Variants in ATP6V0A4 observed in about 807,000 individuals in gnomAD.
ATP6V0A4 encodes the protein V-type proton ATPase 116 kDa subunit a 4.
A neutral mutation model predicts 107.3 loss-of-function variants in ATP6V0A4; 86 were observed. The observed-to-expected ratio is 0.80, with a 90% confidence interval of 0.67 to 0.96. The LOEUF (loss-of-function observed/expected upper bound fraction) is 0.96. Ranked by LOEUF, ATP6V0A4 falls within the 40% of genes least tolerant of loss-of-function variation. ATP6V0A4 has a pLI of 0.00. For missense variants in ATP6V0A4, 908 were observed against 1,045.6 expected, an observed-to-expected ratio of 0.87 and a Z score of 1.81; for synonymous variants, 353 against 381.4, an observed-to-expected ratio of 0.93 and a Z score of 0.87.
intron 5 of ATP6V0A4, among the ~76,000 whole-genome samples, chr7:138,763,505 G>A (rs1806932668): frequency 6.6e-6 from 1 of 152,068 alleles, no homozygotes; most frequent in African/African-American, 2.4e-5. Flanking sequence ...GCACACACCT[G>A]TAATCCCAGC....
intron 2 of ATP6V0A4, among the ~76,000 whole-genome samples, chr7:138,781,836 TCTCTCTC>T: frequency 1.5e-5 from 1 of 64,662 alleles, no homozygotes; most frequent in Non-Finnish European, 2.9e-5. Context: ...TCTCTGTCTC[TCTCTCTC>T]TTTTTTTTTT....
chr7:138,762,796 A>T, intron 6 of ATP6V0A4, 104 bp downstream of exon 6: 1 of 1,348,670 alleles, frequency 7.4e-7, no homozygotes, highest in Non-Finnish European at 1.1e-6. Context: ...GCCATGGAAC[A>T]GAAACAGAGT....
At chr7:138,736,005 C>A (rs956668001) in intron 15 of ATP6V0A4, among the ~76,000 whole-genome samples, 8 of 145,524 alleles carry the variant, frequency 5.5e-5, no homozygotes, top group Non-Finnish European at 1.2e-4. Context: ...GAGGTGGAGG[C>A]TGTGGCGAGC....
At chr7:138,711,232 C>G (rs960443913) in intron 20 of ATP6V0A4, among the ~76,000 whole-genome samples, 1 of 152,062 alleles carries the variant, frequency 6.6e-6, no homozygotes, top group Non-Finnish European at 1.5e-5. Flanking sequence ...GAGTGAAATC[C>G]AAGAGGAGGG....
intron 19 of ATP6V0A4, among the ~76,000 whole-genome samples, chr7:138,718,413 GGGGGC>G (rs1804221382): frequency 7.8e-6 from 1 of 128,620 alleles, no homozygotes; most frequent in African/African-American, 3.0e-5. Flanking sequence ...GGAAGGAAGG[GGGGGC>G]GTGCAGTCAC....
At chr7:138,755,533 A>C (rs1209278157) in intron 10 of ATP6V0A4, among the ~76,000 whole-genome samples, 156 bp downstream of exon 10, 4 of 152,176 alleles carry the variant, frequency 2.6e-5, no homozygotes, top group African/African-American at 4.8e-5. Context: ...ACAGTTTCCC[A>C]ATTGTGAAAT....
At chr7:138,747,303 CTT>C (rs1224212346) in intron 13 of ATP6V0A4, 120 bp downstream of exon 13, 1 of 1,303,866 alleles carries the variant, frequency 7.7e-7, no homozygotes, top group East Asian at 2.4e-5. Flanking sequence ...TAATTTGGCT[CTT>C]TTTTACTTTC....
intron 5 of ATP6V0A4, among the ~76,000 whole-genome samples, chr7:138,763,979 T>A (rs34168004): frequency 0.3 from 43,164 of 141,540 alleles, 6,621 homozygotes; most frequent in South Asian, 0.44. Flanking sequence ...AAAAAAAATA[T>A]ATATATATAT....
In ATP6V0A4 at chr7:138,706,650, T is replaced by G. The variant is rs1395271788; in HGVS notation, c.2497A>C (p.Ile833Leu). 3.1e-6 allele frequency: 5 copies of G among 1,613,950 alleles called. No individual in the cohort carries two copies. In the East Asian group the frequency reaches 1.1e-4, roughly 36 times the overall value. The part of the protein sequence containing the change: ...YKFSPFSFKH[I>L]LDGTAEE ...TACTCCTCGGCTGTGCCATCCAGGA[T>G]GTGTTTAAAGGAGAATGGAGAAAAC... The change falls in exon 22 of 22, where the codon ATC becomes CTC. Residue 833 changes from isoleucine to leucine, a missense_variant. Ile to Leu is a conservative substitution (Grantham distance 5, BLOSUM62 2). Coordinates refer to ENST00000310018, the MANE Select transcript of ATP6V0A4 (RefSeq NM_020632.3).
chr7:138,790,103 A>G (rs143730441), intron 1 of ATP6V0A4, among the ~76,000 whole-genome samples: 2 of 152,136 alleles, frequency 1.3e-5, no homozygotes, highest in Non-Finnish European at 2.9e-5. Flanking sequence ...AAAACTGTAC[A>G]TCCTAGATAT....
intron 20 of ATP6V0A4, among the ~76,000 whole-genome samples, chr7:138,712,828 C>G (rs1052984691): frequency 6.6e-6 from 1 of 152,086 alleles, no homozygotes; most frequent in Non-Finnish European, 1.5e-5. Flanking sequence ...CCTGTCTTAT[C>G]TAGACTCAGC....
chr7:138,713,018 C>T (rs528551653), intron 20 of ATP6V0A4, among the ~76,000 whole-genome samples: 145 of 151,984 alleles, frequency 9.5e-4, no homozygotes, highest in African/African-American at 3.3e-3. Flanking sequence ...CGGCCGGGCG[C>T]GGTGGCTCAC....
chr7:138,766,373 T>G (rs940043150), intron 5 of ATP6V0A4, among the ~76,000 whole-genome samples: 1 of 151,894 alleles, frequency 6.6e-6, no homozygotes, highest in Admixed American at 6.6e-5. Context: ...CTGGCTAATA[T>G]TTTTGTATTT....
intron 1 of ATP6V0A4, among the ~76,000 whole-genome samples, chr7:138,794,181 C>T (rs1378174641): frequency 1.3e-5 from 2 of 152,120 alleles, no homozygotes; most frequent in African/African-American, 2.4e-5. Flanking sequence ...AAAACAGATC[C>T]TGACAGAGCC....
chr7:138,787,524 T>C (rs1808225247), intron 1 of ATP6V0A4, among the ~76,000 whole-genome samples: 1 of 152,054 alleles, frequency 6.6e-6, no homozygotes, highest in Non-Finnish European at 1.5e-5. Context: ...TGGTGGTGCA[T>C]ACCTGTAGCC....
rs990990116 is a variant in ATP6V0A4 at position 138,786,140 on chromosome 7, T to G, written c.-18+18A>C. 2.6e-5 allele frequency: 4 copies of G among 152,724 alleles called. No individual in the cohort carries two copies. Among genetic ancestry groups the G allele is most frequent in the Non-Finnish European group, 4.4e-5 (3 of 68,336 alleles). 9.5% of individuals were successfully genotyped at this position (152,724 alleles called of 1,614,324 possible). ...ACCACGGAGCCCTCCAGCTTCCCTC[T>G]TCTCCACCTCAGCGTACCTTGGCTG... On this transcript the variant is annotated intron_variant, in intron 2 of 21. Coordinates refer to ENST00000310018, the MANE Select transcript of ATP6V0A4 (RefSeq NM_020632.3).
At chr7:138,735,231 C>A (rs1805255215) in intron 15 of ATP6V0A4, among the ~76,000 whole-genome samples, 1 of 152,132 alleles carries the variant, frequency 6.6e-6, no homozygotes, top group South Asian at 2.1e-4. Context: ...CCATTTAAAT[C>A]TCGGCAGCCC....
At chr7:138,729,718 G>A (rs1487452597) in intron 17 of ATP6V0A4, among the ~76,000 whole-genome samples, 1 of 152,230 alleles carries the variant, frequency 6.6e-6, no homozygotes, top group Non-Finnish European at 1.5e-5. Flanking sequence ...AGGATTGAGA[G>A]CACGGTGCTG....
intron 10 of ATP6V0A4, among the ~76,000 whole-genome samples, chr7:138,753,256 G>A (rs1806324268): frequency 6.6e-6 from 1 of 152,182 alleles, no homozygotes; most frequent in African/African-American, 2.4e-5. Context: ...AGGCACACAG[G>A]GAAGAATACC....
Sources: allele counts gnomAD v4.1 joint callset (sites outside exome capture counted in the v4.1 genomes callset), GRCh38; gene constraint gnomAD v4.1.1; transcripts MANE v1.5; gene names NCBI Gene and HGNC (gene_info 2026-07-23, HGNC 2026-07-21).